The following DONSON variants were observed in gnomAD, a reference collection of about 807,000 sequenced individuals.
DONSON encodes DNA replication fork stabilization factor DONSON.
DONSON carries 43 observed loss-of-function variants against 62.1 expected under a neutral mutation model. The observed-to-expected ratio is 0.69, with a 90% CI of 0.54 to 0.89. The LOEUF (loss-of-function observed/expected upper bound fraction) is 0.89. Ranked by LOEUF, DONSON falls within the 40% of genes least tolerant of loss-of-function variation. The pLI is 0.00. For missense variants in DONSON, 696 were observed against 697.5 expected (o/e 1.00, Z 0.03); for synonymous variants, 266 against 264.6 (o/e 1.01, Z -0.05).
Position 33,577,680 on chromosome 21 carries a change from CACACACACACACACA to C in DONSON, c.*612_*626del, listed in dbSNP as rs1569073178. On this transcript the variant is annotated 3_prime_UTR_variant, in exon 10 of 10. Coordinates refer to ENST00000303071, the MANE Select transcript of DONSON (RefSeq NM_017613.4). ...ACACACACACACACACACACACACACACACACACACACACACACACACCCCTATAAGCACATTAAA... is the reference window on the plus strand; with the variant it reads ...ACACACACACACACACACACACACACCACACACCCCTATAAGCACATTAAA... The C allele has an allele frequency of 3.8e-5, 4 of 104,900 alleles. No individual in the cohort carries two copies. Among genetic ancestry groups the C allele is most frequent in the African/African-American group, 1.7e-4 (4 of 23,346 alleles). 6.5% of individuals were successfully genotyped at this position (104,900 alleles called of 1,614,324 possible).
At chr21:33,579,698 A>T in intron 8 of DONSON, 136 bp from the exon 9 acceptor site, 5 of 672,090 alleles carry the variant, frequency 7.4e-6, no homozygotes, top group Non-Finnish European at 1.2e-5. Flanking sequence ...TTCCCAAGAC[A>T]TCTAAACAAT....
chr21:33,583,201 A>G (rs1457982115), intron 5 of DONSON, among the ~76,000 whole-genome samples: 1 of 44,546 alleles, frequency 2.2e-5, no homozygotes, highest in Non-Finnish European at 4.6e-5. Context: ...TCTCCATCTC[A>G]AAAAAAAAAA....
In DONSON at chr21:33,579,393, G is replaced by A; in HGVS notation, c.1520C>T (p.Ala507Val). 6.2e-7 allele frequency: 1 copy of A among 1,612,288 alleles called. No individual in the cohort carries two copies. Among genetic ancestry groups the A allele is most frequent in the Non-Finnish European group, 8.5e-7 (1 of 1,178,670 alleles). The change falls in exon 9 of 10, where the codon GCT becomes GTT. Residue 507 changes from alanine to valine, a missense_variant. By Grantham distance (64) the Ala-to-Val change is moderately conservative. Transcript: ENST00000303071. ...CATTTGCAGGCAGATGTTAAATACA[G>A]CAGTTGGCTCGTGTGGATACAGTAC... ...SAVLYPHEPT[A>V]VFNICLQMDK...
chr21:33,583,719 TTA>T, intron 4 of DONSON, 53 bp from the exon 5 acceptor site: 1 of 1,363,218 alleles, frequency 7.3e-7, no homozygotes, highest in Non-Finnish European at 1.0e-6. Context: ...AATGCAATGT[TTA>T]TAATTCTGAA....
intron 8 of DONSON, chr21:33,581,033 C>T (rs188136746): frequency 3.7e-6 from 1 of 273,476 alleles, no homozygotes; most frequent in African/African-American, 2.2e-5. Flanking sequence ...GAGTTGAGAT[C>T]ACGCCACTGC....
In DONSON at chr21:33,588,655, T is replaced by C. The variant is rs2086611191; in HGVS notation, c.-14A>G. 3 of 1,230,934 alleles carry C rather than the reference T, an allele frequency of 2.4e-6. No homozygotes were observed. Among genetic ancestry groups the C allele is most frequent in the Non-Finnish European group, 3.0e-6 (3 of 986,380 alleles). The allele number at this position is 1,230,934 out of a possible 1,614,324, so 76.3% of individuals were successfully genotyped here. On this transcript the variant is annotated 5_prime_UTR_variant, in exon 1 of 10. Coordinates refer to ENST00000303071, the MANE Select transcript of DONSON (RefSeq NM_017613.4). ...CGAAAGGGCCATGACGCGCGGCGGC[T>C]GAGGGTAGCCGGCCGCCCTACAGAG...
chr21:33,587,613 A>G lies in DONSON; in HGVS notation c.322-11T>C. ...ATTAGAATCTAAAAACTGAGGTTAA[A>G]TATATTCTCCTTTAAAATTTAAAGG... On this transcript the variant is annotated splice_polypyrimidine_tract_variant and intron_variant, in intron 1 of 9. Coordinates refer to ENST00000303071, the MANE Select transcript of DONSON (RefSeq NM_017613.4). The G allele has an allele frequency of 6.4e-7, 1 of 1,553,734 alleles. No individual in the cohort carries two copies. Among genetic ancestry groups the G allele is most frequent in the Non-Finnish European group, 8.7e-7 (1 of 1,144,400 alleles).
intron 9 of DONSON, among the ~76,000 whole-genome samples, chr21:33,578,767 T>C (rs955233538): frequency 9.9e-5 from 15 of 152,222 alleles, no homozygotes; most frequent in Non-Finnish European, 1.6e-4. Flanking sequence ...TCAGGTACTA[T>C]TGAGTTTTGG....
At chr21:33,588,035 C>CCT (rs1569077942) in intron 1 of DONSON, among the ~76,000 whole-genome samples, 1 of 152,186 alleles carries the variant, frequency 6.6e-6, no homozygotes, top group Non-Finnish European at 1.5e-5. Flanking sequence ...ACCTCTAAGT[C>CCT]CTCTCCAAGG....
At chr21:33,587,216 G>C (rs2086587229) in intron 2 of DONSON, 1 of 321,626 alleles carries the variant, frequency 3.1e-6, no homozygotes, top group African/African-American at 2.3e-5. Context: ...TGATGAACTG[G>C]AGAAGTCAAC....
chr21:33,578,595 CA>C, intron 9 of DONSON, 151 bp from the exon 10 acceptor site: 1 of 761,034 alleles, frequency 1.3e-6, no homozygotes, highest in South Asian at 3.1e-5. Flanking sequence ...TTTGTAGTGA[CA>C]AAATCCCAAA....
intron 8 of DONSON, 166 bp from the exon 9 acceptor site, chr21:33,579,728 T>C (rs2086484094): frequency 3.7e-6 from 2 of 541,026 alleles, no homozygotes; most frequent in African/African-American, 1.9e-5. Context: ...GTACAAATAC[T>C]TAGTAAATTT....
chr21:33,580,231 AATAG>A (rs1027037916), intron 8 of DONSON, among the ~76,000 whole-genome samples: 4 of 140,598 alleles, frequency 2.8e-5, no homozygotes, highest in African/African-American at 5.2e-5. Context: ...TCCGTCTCTA[AATAG>A]ATAGATGAAT....
chr21:33,578,423 T>A lies in DONSON; in HGVS notation c.1585A>T (p.Thr529Ser). 3 of 1,613,798 alleles carry A rather than the reference T, an allele frequency of 1.9e-6. No homozygotes were observed. In the South Asian group the frequency reaches 3.3e-5, roughly 18 times the overall value. Residue 529 changes from threonine to serine, a missense_variant, in exon 10 of 10, where the codon ACT (threonine) becomes TCT (serine). Thr to Ser is a moderately conservative substitution (Grantham distance 58). Coordinates refer to ENST00000303071, the MANE Select transcript of DONSON (RefSeq NM_017613.4). ...GTGTTAGGGTGCAAACCACAGTTAG[T>A]AAGCTCCTTATGAACAACCTCCTGT... ...LDMEVVHKEL[T>S]NCGLHPNTLE...
chr21:33,588,394 A>T lies in DONSON; in HGVS notation c.248T>A (p.Leu83Gln), dbSNP rs2086606581. Reference sequence around the variant, plus strand: ...CGCGGCGACCCGCGGTCGGTTGTCCAGGCGGGCGAAGGGGTTCCTCCGAGC... The same window carrying T: ...CGCGGCGACCCGCGGTCGGTTGTCCTGGCGGGCGAAGGGGTTCCTCCGAGC... ...AAARRNPFARLDNRPRVAAEP... is the reference protein window; with the variant it reads ...AAARRNPFARQDNRPRVAAEP... The change falls in exon 1 of 10, where the codon CTG becomes CAG. Residue 83 changes from leucine (L) to glutamine (Q), a missense_variant. Coordinates refer to ENST00000303071, the MANE Select transcript of DONSON (RefSeq NM_017613.4). The T allele has an allele frequency of 7.7e-7, 1 of 1,300,054 alleles. No individual in the cohort carries two copies. Among genetic ancestry groups the T allele is most frequent in the East Asian group, 3.1e-5 (1 of 32,306 alleles). 80.5% of individuals were successfully genotyped at this position (1,300,054 alleles called of 1,614,324 possible).
rs141780331 is a variant in DONSON, at chr21:33,583,598, G to A, written c.854C>T (p.Thr285Ile). Residue 285 changes from threonine (T) to isoleucine (I), a missense_variant, in exon 5 of 10, where the codon ACC becomes ATC. By Grantham distance (89) the Thr-to-Ile change is moderately conservative. Coordinates refer to ENST00000303071, the MANE Select transcript of DONSON (RefSeq NM_017613.4). Reference sequence around the variant, plus strand: ...TCGGAACAGGACAGTAAACTGATAGGTACAAACGTAGAAATAGGGGCAAAG... The same window carrying A: ...TCGGAACAGGACAGTAAACTGATAGATACAAACGTAGAAATAGGGGCAAAG... ...TKLCPYFYVC[T>I]YQFTVLFRAA... 1.9e-6 allele frequency: 3 copies of A among 1,613,414 alleles called. No homozygotes were observed. Among genetic ancestry groups the A allele is most frequent in the Non-Finnish European group, 2.5e-6 (3 of 1,179,620 alleles).
At chr21:33,579,962 A>G (rs972245961) in intron 8 of DONSON, among the ~76,000 whole-genome samples, 5 of 151,556 alleles carry the variant, frequency 3.3e-5, no homozygotes, top group African/African-American at 1.2e-4. Flanking sequence ...TGGGAGGCCA[A>G]GGTGGGCAGA....
chr21:33,586,470 T>C lies in DONSON; in HGVS notation c.403-289A>G, dbSNP rs571051520. Among the ~76,000 whole-genome samples, 12 of 152,298 alleles carry C rather than the reference T, an allele frequency of 7.9e-5. 1 individual carries two copies. Among genetic ancestry groups the C allele is most frequent in the Non-Finnish European group, 1.0e-4 (7 of 68,020 alleles). On this transcript the variant is annotated intron_variant, in intron 2 of 9. Coordinates refer to ENST00000303071, the MANE Select transcript of DONSON (RefSeq NM_017613.4). ...TTCTTTATGGTAGTATAGATGTTTGTATTGAAGTAGAAATATTCCAAGTGT... is the reference window on the plus strand; with the variant it reads ...TTCTTTATGGTAGTATAGATGTTTGCATTGAAGTAGAAATATTCCAAGTGT...
intron 5 of DONSON, among the ~76,000 whole-genome samples, chr21:33,582,592 T>C (rs769395796): frequency 1.3e-5 from 2 of 152,218 alleles, no homozygotes; most frequent in South Asian, 2.1e-4. Flanking sequence ...ATTGGTACTA[T>C]AGAAGAATTT....
Sources: gnomAD v4.1 joint callset for allele counts (sites outside exome capture counted in the v4.1 genomes callset) on GRCh38, gnomAD v4.1.1 for gene constraint, MANE v1.5 for transcripts, NCBI Gene and HGNC (gene_info 2026-07-23, HGNC 2026-07-21) for gene names.